The following MTA1 variants were observed in gnomAD, a reference collection of about 807,000 sequenced individuals.
MTA1 encodes metastasis associated 1, also known as metastasis-associated protein MTA1.
Under a neutral mutation model 97.0 loss-of-function variants are expected in MTA1, and 15 were observed. That is an observed-to-expected ratio of 0.15 (90% CI 0.10 to 0.24). The LOEUF (loss-of-function observed/expected upper bound fraction) is 0.24, where lower values mean the gene tolerates loss of function less well. Among genes scored for constraint, MTA1 ranks in the 10% least tolerant of loss-of-function variants. The pLI, the probability that MTA1 is intolerant of heterozygous loss-of-function variation, is 1.00. For missense variants in MTA1, 709 were observed against 1,015.1 expected, an observed-to-expected ratio of 0.70 and a Z score of 4.10; for synonymous variants, 435 against 417.5, an observed-to-expected ratio of 1.04 and a Z score of -0.51.
At chr14:105,439,792 C>G (rs914993349) in intron 2 of MTA1, among the ~76,000 whole-genome samples, 25 of 152,126 alleles carry the variant, frequency 1.6e-4, no homozygotes, top group African/African-American at 5.6e-4. Context: ...CCTGCCCACT[C>G]GGCAGGCCTG....
intron 1 of MTA1, 77 bp from the exon 2 acceptor site, chr14:105,438,595 G>T: frequency 7.4e-7 from 1 of 1,353,478 alleles, no homozygotes; most frequent in Admixed American, 1.7e-5. Flanking sequence ...TGAGCCCCGA[G>T]TCCCTGGGCC....
intron 1 of MTA1, among the ~76,000 whole-genome samples, chr14:105,429,752 C>CTTTTTTTTTTT (rs59028638): frequency 1.2e-4 from 6 of 50,570 alleles, no homozygotes; most frequent in African/African-American, 2.7e-4. Flanking sequence ...TGCGCCCGGC[C>CTTTTTTTTTTT]TTTTTTTTTT....
At position 105,464,749 on chromosome 14, in the gene MTA1, C is replaced by T; in HGVS notation, c.1420C>T (p.His474Tyr). 1.2e-6 allele frequency: 2 copies of T among 1,610,274 alleles called. No homozygotes were observed. The highest frequency in any genetic ancestry group is 1.7e-6 in the Non-Finnish European group (2 of 1,178,088). Residue 474 changes from histidine (H) to tyrosine (Y), a missense_variant, in exon 15 of 21, where the codon CAC (histidine) becomes TAC (tyrosine). By Grantham distance (83) the His-to-Tyr change is moderately conservative (BLOSUM62 2). This residue lies in a region of MTA1 where 388 missense variants were observed against 421.6 expected (regional missense o/e 0.92). Transcript: ENST00000331320. ...AMKTRQAFYLHTTKLTRIARR... is the reference protein window; with the variant it reads ...AMKTRQAFYLYTTKLTRIARR... ...GAAGACCAGGCAGGCTTTCTATCTG[C>T]ACACGACGAAGCTGACGCGGATCGC...
At position 105,460,748 on chromosome 14, in the gene MTA1, G is replaced by A; in HGVS notation, c.754-17G>A. 6.4e-7 allele frequency: 1 copy of A among 1,556,022 alleles called. No individual in the cohort carries two copies. The highest frequency in any genetic ancestry group is 8.7e-7 in the Non-Finnish European group (1 of 1,149,360). On this transcript the variant is annotated splice_polypyrimidine_tract_variant and intron_variant, in intron 9 of 20. Coordinates refer to ENST00000331320, the MANE Select transcript of MTA1 (RefSeq NM_004689.4). ...AAGCCACCTTGGCCCGGGTGACCCTGCTGTCTCCTGCCGCAGTTCCACGCC... is the reference window on the plus strand; with the variant it reads ...AAGCCACCTTGGCCCGGGTGACCCTACTGTCTCCTGCCGCAGTTCCACGCC...
At chr14:105,431,951 G>A (rs960557636) in intron 1 of MTA1, among the ~76,000 whole-genome samples, 1 of 152,192 alleles carries the variant, frequency 6.6e-6, no homozygotes, top group Non-Finnish European at 1.5e-5. Context: ...AGTCTGTCAT[G>A]CCTTATTGAA....
chr14:105,462,557 G>A lies in MTA1; in HGVS notation c.943-627G>A, dbSNP rs370342162. Among the ~76,000 whole-genome samples the A allele has an allele frequency of 3.3e-5, 5 of 150,612 alleles. No homozygotes were observed. The East Asian group carries it at 7.7e-4, about 23-fold the overall frequency. On this transcript the variant is annotated intron_variant, in intron 10 of 20. Transcript: ENST00000331320. ...TGCACTCCAGCCTGGGCGACAGTGC[G>A]AGACTCTGTCTCAAAAACAAAAATG...
At position 105,454,326 on chromosome 14, in the gene MTA1, C is replaced by T. The variant is rs1555429396; in HGVS notation, c.550+16C>T. The stretch of plus-strand genomic sequence containing the variant: ...TTAAAAGAAGGTAGGGTGGGCCGCC[C>T]TGGGCATGGAGCCCTCTGTCCTGTC... On this transcript the variant is annotated intron_variant, in intron 7 of 20. Coordinates refer to ENST00000331320, the MANE Select transcript of MTA1 (RefSeq NM_004689.4). 2 of 1,582,380 alleles carry T rather than the reference C, an allele frequency of 1.3e-6. No individual in the cohort carries two copies. The highest frequency in any genetic ancestry group is 1.1e-5 in the South Asian group (1 of 90,348).
chr14:105,424,069 G>A lies in MTA1; in HGVS notation c.28+4006G>A, dbSNP rs1407333343. Reference sequence around the variant, plus strand: ...TGTGATGTCCTGGAGGGGATGGCATGGGGCTGTCCCACTTGGCCTGTGAGG... The same window carrying A: ...TGTGATGTCCTGGAGGGGATGGCATAGGGCTGTCCCACTTGGCCTGTGAGG... On this transcript the variant is annotated intron_variant, in intron 1 of 20. Transcript: ENST00000331320. The surrounding 1 kb of genome is among the most constrained non-coding windows in gnomAD (Gnocchi z 4.0). 2.6e-5 allele frequency among the ~76,000 whole-genome samples: 4 copies of A among 152,238 alleles called. No homozygotes were observed. Among genetic ancestry groups the A allele is most frequent in the African/African-American group, 7.2e-5 (3 of 41,460 alleles).
chr14:105,429,020 A>C (rs1160389905), intron 1 of MTA1, among the ~76,000 whole-genome samples: 1 of 152,184 alleles, frequency 6.6e-6, no homozygotes, highest in African/African-American at 2.4e-5. Flanking sequence ...CATTGTGCCC[A>C]GCCTCACCTT....
chr14:105,435,700 G>A (rs2082306521), intron 1 of MTA1, among the ~76,000 whole-genome samples: 1 of 152,214 alleles, frequency 6.6e-6, no homozygotes, highest in Non-Finnish European at 1.5e-5. Context: ...TGGGCGCAGA[G>A]TTCTTGTTGT....
chr14:105,437,547 G>A (rs941315352), intron 1 of MTA1, among the ~76,000 whole-genome samples: 42 of 152,382 alleles, frequency 2.8e-4, no homozygotes, highest in African/African-American at 1.0e-3. Context: ...CTGCAGGTGT[G>A]TGCCAGCAGC....
At chr14:105,446,487 C>G (rs1224625242) in intron 3 of MTA1, among the ~76,000 whole-genome samples, 2 of 152,088 alleles carry the variant, frequency 1.3e-5, no homozygotes, top group Admixed American at 1.3e-4. Context: ...TGCGGTGGGT[C>G]GGGTGGGAGG....
At chr14:105,436,724 T>C (rs1383837386) in intron 1 of MTA1, among the ~76,000 whole-genome samples, 14 of 152,318 alleles carry the variant, frequency 9.2e-5, no homozygotes, top group Middle Eastern at 6.8e-3. Context: ...GGGACATTTT[T>C]CCCCCATTTT....
rs139961613 is a variant in MTA1 at position 105,470,169 on chromosome 14, C to T, written c.2102C>T (p.Pro701Leu). Residue 701 changes from proline to leucine, a missense_variant, in exon 21 of 21, where the codon CCG becomes CTG. Physicochemically the swap from Pro to Leu is moderately conservative, Grantham distance 98. Around this residue, in one of 2 missense-constraint regions of MTA1, gnomAD observed 388 missense variants for 421.6 expected, o/e 0.92. Transcript: ENST00000331320. ...RQSQALPPRPPPPAPVNDEPI... is the reference protein window; with the variant it reads ...RQSQALPPRPLPPAPVNDEPI... ...AGCCAGGCCCTGCCGCCGCGGCCAC[C>T]GCCACCTGCGCCCGTCAACGACGAG... is the stretch of plus-strand genomic sequence containing the variant. 579 of 1,609,174 alleles carry T rather than the reference C, an allele frequency of 3.6e-4. 3 individuals carry two copies. The African/African-American group carries it at 3.8e-3, about 11-fold the overall frequency.
chr14:105,461,406 C>T (rs782472524), intron 10 of MTA1, among the ~76,000 whole-genome samples: 3 of 152,180 alleles, frequency 2.0e-5, no homozygotes, highest in Admixed American at 6.5e-5. Flanking sequence ...GTCTTCATGG[C>T]GTGGGGTCTC....
chr14:105,465,341 A>G, intron 16 of MTA1, 158 bp downstream of exon 16: 1 of 514,558 alleles, frequency 1.9e-6, no homozygotes, highest in Non-Finnish European at 3.1e-6. Flanking sequence ...GCACCGTGCC[A>G]GGCTCAGGCA....
intron 3 of MTA1, among the ~76,000 whole-genome samples, chr14:105,448,184 C>T (rs893934276): frequency 6.6e-5 from 10 of 152,076 alleles, no homozygotes; most frequent in Non-Finnish European, 1.5e-4. Flanking sequence ...GGAGTGAGGG[C>T]ACAGCCTGGG....
intron 1 of MTA1, among the ~76,000 whole-genome samples, chr14:105,425,597 C>T (rs186161144): frequency 1.3e-4 from 20 of 152,268 alleles, no homozygotes; most frequent in Admixed American, 2.6e-4. Context: ...TTAATATTCT[C>T]CAAATGTCTT....
Position 105,463,526 on chromosome 14 carries a change from T to C in MTA1, c.1051T>C (p.Leu351=), listed in dbSNP as rs782776431. 2.2e-5 allele frequency: 36 copies of C among 1,612,928 alleles called. No individual in the cohort carries two copies. Among genetic ancestry groups the C allele is most frequent in the Non-Finnish European group, 3.1e-5 (36 of 1,179,958 alleles). Residue 351 remains leucine (L), a synonymous_variant, in exon 12 of 21, where the codon TTA becomes CTA. Transcript: ENST00000331320. This position sits in a 1 kb window ranked among gnomAD's most constrained non-coding sequence, Gnocchi z 5.9. ...RLKAAEAESK[L]KQVYIPNYNK... is the part of the protein sequence containing the mutation. ...GAAAGCAGCTGAAGCTGAGAGCAAG[T>C]TAAAGCAAGTTTATATTCCCAACTA... is the stretch of plus-strand genomic sequence containing the variant.
Sources: allele counts gnomAD v4.1 joint callset (sites outside exome capture counted in the v4.1 genomes callset), GRCh38; gene constraint gnomAD v4.1.1; regional missense constraint gnomAD v4.1.1; non-coding constraint Gnocchi (gnomAD v3.1); transcripts MANE v1.5; gene names NCBI Gene and HGNC (gene_info 2026-07-23, HGNC 2026-07-21).